The following KLHL2 variants were observed in gnomAD, a reference collection of about 807,000 sequenced individuals.
KLHL2 encodes kelch-like protein 2.
A neutral mutation model predicts 75.8 loss-of-function variants in KLHL2; 15 were observed. The observed-to-expected ratio is 0.20, with a 90% CI of 0.13 to 0.30. KLHL2 has a LOEUF of 0.30. KLHL2 is among the 10% of genes least tolerant of loss of function. The probability of loss-of-function intolerance (pLI) is 1.00; values close to 1 mark genes in which losing one functional copy is unlikely to be tolerated. For missense variants in KLHL2, 381 were observed against 741.0 expected (o/e 0.51, Z 5.64); for synonymous variants, 214 against 251.9 (o/e 0.85, Z 1.42).
At chr4:165,210,017 T>C in intron 1 of KLHL2, 6 of 1,523,346 alleles carry the variant, frequency 3.9e-6, no homozygotes, top group Non-Finnish European at 5.3e-6. Context: ...TTACCGGGCC[T>C]CACTGCCAGA....
At chr4:165,305,793 T>C in intron 9 of KLHL2, 68 bp downstream of exon 9, 3 of 1,041,860 alleles carry the variant, frequency 2.9e-6, no homozygotes, top group Non-Finnish European at 4.4e-6. Flanking sequence ...TCAGGTCTTA[T>C]TTTATTAATT....
chr4:165,241,069 A>G (rs1739781842), intron 4 of KLHL2, among the ~76,000 whole-genome samples: 1 of 152,184 alleles, frequency 6.6e-6, no homozygotes, highest in Non-Finnish European at 1.5e-5. Flanking sequence ...TAAGAGTTAC[A>G]TTTGGCAGGC....
chr4:165,210,012 G>A (rs1368969309), intron 1 of KLHL2: 4 of 1,516,830 alleles, frequency 2.6e-6, no homozygotes, highest in African/African-American at 1.4e-5. Context: ...GAACTTTACC[G>A]GGCCTCACTG....
At chr4:165,266,302 T>C (rs1271129854) in intron 5 of KLHL2, among the ~76,000 whole-genome samples, 2 of 152,236 alleles carry the variant, frequency 1.3e-5, no homozygotes, top group East Asian at 1.9e-4. Flanking sequence ...TTTCTTTTGC[T>C]GTGCAGAAGC....
chr4:165,310,020 C>A (rs746363016), intron 9 of KLHL2, among the ~76,000 whole-genome samples: 6 of 152,078 alleles, frequency 3.9e-5, no homozygotes, highest in Non-Finnish European at 8.8e-5. Flanking sequence ...GTACTTTAGC[C>A]CATGCCATTG....
At chr4:165,250,515 T>G (rs1365161415) in intron 4 of KLHL2, among the ~76,000 whole-genome samples, 1 of 152,220 alleles carries the variant, frequency 6.6e-6, no homozygotes, top group Non-Finnish European at 1.5e-5. Context: ...CTAATTATAG[T>G]ATTAAAATTC....
At chr4:165,293,195 G>GT (rs139386965) in intron 5 of KLHL2, among the ~76,000 whole-genome samples, 1 of 152,246 alleles carries the variant, frequency 6.6e-6, no homozygotes, top group African/African-American at 2.4e-5. Context: ...TCTTTGTAAG[G>GT]TTTTCAATCA....
intron 4 of KLHL2, among the ~76,000 whole-genome samples, chr4:165,243,402 G>A (rs1222975928): frequency 6.6e-6 from 1 of 151,900 alleles, no homozygotes; most frequent in Middle Eastern, 3.2e-3. Context: ...AATATTATGA[G>A]TACTCATCTA....
intron 2 of KLHL2, among the ~76,000 whole-genome samples, chr4:165,224,456 G>A (rs1243069964): frequency 6.6e-6 from 1 of 152,158 alleles, no homozygotes; most frequent in Non-Finnish European, 1.5e-5. Context: ...ATATTGAGTT[G>A]TTCGTTCATA....
At chr4:165,268,827 G>A (rs1742454060) in intron 5 of KLHL2, among the ~76,000 whole-genome samples, 1 of 152,148 alleles carries the variant, frequency 6.6e-6, no homozygotes, top group Admixed American at 6.6e-5. Flanking sequence ...TGTCTATTAG[G>A]TCTGCTTGGT....
chr4:165,207,888 G>A lies in KLHL2; in HGVS notation c.12G>A (p.Pro4=). Residue 4 remains proline (P), a synonymous_variant, in exon 1 of 15, where the codon CCG becomes CCA. Coordinates refer to ENST00000226725, the MANE Select transcript of KLHL2 (RefSeq NM_007246.4). This position sits in a 1 kb window ranked among gnomAD's most constrained non-coding sequence, Gnocchi z 4.2. ...CGAGAGGAGCCACAATGGAGACGCC[G>A]CCGCTGCCTCCCGCGTGAGTGAGCG... MET[P]PLPPACTKQG... 1 of 1,440,410 alleles carries A rather than the reference G, an allele frequency of 6.9e-7. No individual in the cohort carries two copies. Among genetic ancestry groups the A allele is most frequent in the Non-Finnish European group, 9.2e-7 (1 of 1,089,486 alleles). 89.2% of individuals were successfully genotyped at this position (1,440,410 alleles called of 1,614,324 possible).
At chr4:165,217,950 C>G (rs1013990596) in intron 1 of KLHL2, among the ~76,000 whole-genome samples, 1 of 152,156 alleles carries the variant, frequency 6.6e-6, no homozygotes, top group African/African-American at 2.4e-5. Context: ...GAAACTCAGT[C>G]CTTTCTCTTG....
At chr4:165,282,011 A>G (rs1347819128) in intron 5 of KLHL2, among the ~76,000 whole-genome samples, 1 of 152,224 alleles carries the variant, frequency 6.6e-6, no homozygotes, top group Middle Eastern at 3.2e-3. Context: ...GTCACAAGCT[A>G]TGATCCATAA....
chr4:165,214,178 C>T (rs534776593), intron 1 of KLHL2, among the ~76,000 whole-genome samples: 15 of 152,144 alleles, frequency 9.9e-5, no homozygotes, highest in African/African-American at 3.1e-4. Context: ...AACTGAATTG[C>T]GGAGTCGTAT....
intron 9 of KLHL2, among the ~76,000 whole-genome samples, chr4:165,307,540 A>G (rs1429322919): frequency 6.6e-6 from 1 of 152,166 alleles, no homozygotes; most frequent in Non-Finnish European, 1.5e-5. Flanking sequence ...CTGTTCTAGG[A>G]TCCTGCTTTG....
chr4:165,256,332 G>A (rs187689017), intron 4 of KLHL2, among the ~76,000 whole-genome samples: 19 of 152,106 alleles, frequency 1.2e-4, no homozygotes, highest in Admixed American at 5.9e-4. Flanking sequence ...TTTTTTCCCC[G>A]TTTTTCAAAA....
chr4:165,296,694 A>G (rs970402549), intron 6 of KLHL2, among the ~76,000 whole-genome samples: 1 of 152,184 alleles, frequency 6.6e-6, no homozygotes, highest in African/African-American at 2.4e-5. Context: ...TGATAGAAGC[A>G]GGGGGGAGAG....
chr4:165,222,962 G>A (rs1440975642), intron 2 of KLHL2, among the ~76,000 whole-genome samples: 2 of 152,242 alleles, frequency 1.3e-5, no homozygotes, highest in African/African-American at 4.8e-5. Flanking sequence ...TATGGCTGAT[G>A]TAAGGTGTGG....
At chr4:165,225,639 A>G (rs552203085) in intron 2 of KLHL2, among the ~76,000 whole-genome samples, 5 of 152,168 alleles carry the variant, frequency 3.3e-5, no homozygotes, top group Non-Finnish European at 5.9e-5. Context: ...CACTCAAAAC[A>G]TTCAGCTTCT....
Sources: allele counts gnomAD v4.1 joint callset (sites outside exome capture counted in the v4.1 genomes callset), GRCh38; gene constraint gnomAD v4.1.1; non-coding constraint Gnocchi (gnomAD v3.1); transcripts MANE v1.5; gene names NCBI Gene and HGNC (gene_info 2026-07-23, HGNC 2026-07-21).